MAP3K19: variants seen among roughly 807,000 people sequenced by gnomAD.
The protein encoded by MAP3K19 is SPS1/STE20-related protein kinase YSK4.
A neutral mutation model predicts 114.4 loss-of-function variants in MAP3K19; 91 were observed. That is an observed-to-expected ratio of 0.80 (90% CI 0.67 to 0.95). The LOEUF (loss-of-function observed/expected upper bound fraction) is 0.95, where lower values mean the gene tolerates loss of function less well. Ranked by LOEUF, MAP3K19 falls within the 40% of genes least tolerant of loss-of-function variation. MAP3K19 has a pLI of 0.00. For synonymous variants in MAP3K19, 518 were observed against 530.5 expected (o/e 0.98, Z 0.32); for missense variants, 1,471 against 1,573.2 (o/e 0.94, Z 1.10).
At chr2:135,009,696 T>C (rs1243863387) in intron 5 of MAP3K19, among the ~76,000 whole-genome samples, 1 of 152,140 alleles carries the variant, frequency 6.6e-6, no homozygotes, top group Non-Finnish European at 1.5e-5. Context: ...AAATCCATAA[T>C]GATGACTAGC....
chr2:135,012,121 G>A (rs138119465), intron 5 of MAP3K19, among the ~76,000 whole-genome samples: 2 of 152,074 alleles, frequency 1.3e-5, no homozygotes, highest in African/African-American at 4.8e-5. Context: ...TCAATATTGT[G>A]ACAACATGTA....
rs765401507 is a variant in MAP3K19, at chr2:134,980,956, G to A, written c.3785C>T (p.Thr1262Ile). ...SIGCTVFEMA[T>I]GKPPLASMDR... ...CATGGAAGCCAGTGGAGGCTTCCCT[G>A]TAGCCATCTCAAACACAGTACAACC... The change falls in exon 12 of 13, where the codon ACA becomes ATA. Residue 1262 changes from threonine (T) to isoleucine (I), a missense_variant. Thr to Ile is a moderately conservative substitution (Grantham distance 89). Coordinates refer to ENST00000392915, the MANE Select transcript of MAP3K19 (RefSeq NM_025052.5). 1.2e-6 allele frequency: 2 copies of A among 1,614,210 alleles called. No homozygotes were observed. Among genetic ancestry groups the A allele is most frequent in the Admixed American group, 1.7e-5 (1 of 60,026 alleles).
chr2:134,982,475 T>G (rs1684775326), intron 11 of MAP3K19, among the ~76,000 whole-genome samples: 1 of 151,492 alleles, frequency 6.6e-6, no homozygotes, highest in Non-Finnish European at 1.5e-5. Flanking sequence ...CTCAGCCTCC[T>G]GAGTAGCTGG....
intron 3 of MAP3K19, among the ~76,000 whole-genome samples, chr2:135,026,197 T>A (rs1160467750): frequency 6.6e-6 from 1 of 152,184 alleles, no homozygotes; most frequent in African/African-American, 2.4e-5. Flanking sequence ...CAAAAATTTT[T>A]ATAATTATTT....
chr2:134,986,667 C>T lies in MAP3K19; in HGVS notation c.2205G>A (p.Glu735=). 1.2e-6 allele frequency: 2 copies of T among 1,614,102 alleles called. No individual in the cohort carries two copies. Among genetic ancestry groups the T allele is most frequent in the African/African-American group, 1.3e-5 (1 of 75,016 alleles). Residue 735 remains glutamate, a synonymous_variant, in exon 10 of 13, where the codon GAG becomes GAA. Coordinates refer to ENST00000392915, the MANE Select transcript of MAP3K19 (RefSeq NM_025052.5). The part of the protein sequence containing the change: ...CPKTSFGIKQ[E]HKVLISKEKS... Reference sequence around the variant, plus strand: ...TTTCTTTAGAAATTAAGACTTTGTGCTCTTGTTTAATGCCAAATGAAGTCT... The same window carrying T: ...TTTCTTTAGAAATTAAGACTTTGTGTTCTTGTTTAATGCCAAATGAAGTCT...
chr2:134,967,271 C>T (rs1176269164), intron 12 of MAP3K19, among the ~76,000 whole-genome samples: 4 of 152,130 alleles, frequency 2.6e-5, no homozygotes, highest in Admixed American at 2.0e-4. Context: ...CAAAGTTTCT[C>T]CCCATGTGAT....
chr2:135,025,172 T>C (rs1204582956), intron 3 of MAP3K19, among the ~76,000 whole-genome samples: 1 of 152,078 alleles, frequency 6.6e-6, no homozygotes, highest in Non-Finnish European at 1.5e-5. Flanking sequence ...TTTTTTCTTT[T>C]CAATAATTAA....
chr2:135,034,480 G>C lies in MAP3K19; in HGVS notation c.-283-3980C>G, dbSNP rs1246014433. On this transcript the variant is annotated intron_variant, in intron 2 of 12. Coordinates refer to ENST00000392915, the MANE Select transcript of MAP3K19 (RefSeq NM_025052.5). ...GCGGCTGGGAGGTGGAGGTTGTAGC[G>C]AGCCGAGATCACGCCACTGCACTCC... Among the ~76,000 whole-genome samples, 3 of 127,702 alleles carry C rather than the reference G, an allele frequency of 2.3e-5. 1 individual carries two copies. In the Admixed American group the frequency reaches 2.4e-4, roughly 10 times the overall value. The allele number at this position is 127,702 out of a possible 152,430, so 83.8% of individuals were successfully genotyped here.
At chr2:135,035,456 G>A (rs545484636) in intron 2 of MAP3K19, among the ~76,000 whole-genome samples, 57 of 152,276 alleles carry the variant, frequency 3.7e-4, no homozygotes, top group Admixed American at 2.6e-3. Flanking sequence ...CAAACAGAAA[G>A]TAGGTAAGTG....
At chr2:134,974,703 T>G (rs1227882441) in intron 12 of MAP3K19, among the ~76,000 whole-genome samples, 1 of 152,176 alleles carries the variant, frequency 6.6e-6, no homozygotes, top group Non-Finnish European at 1.5e-5. Context: ...TTTCTTTATT[T>G]TTGTCTGAAT....
Position 134,986,722 on chromosome 2 carries a change from G to A in MAP3K19, c.2150C>T (p.Ser717Phe). Residue 717 changes from serine (S) to phenylalanine (F), a missense_variant, in exon 10 of 13, where the codon TCT becomes TTT. Coordinates refer to ENST00000392915, the MANE Select transcript of MAP3K19 (RefSeq NM_025052.5). Reference sequence around the variant, plus strand: ...GCATTTCATATGTGTTTTTTTCTGAGAAAGTCTTGTTCTGATATTGCTCTT... The same window carrying A: ...GCATTTCATATGTGTTTTTTTCTGAAAAAGTCTTGTTCTGATATTGCTCTT... ...ERKSNIRTRL[S>F]QKKTHMKCPK... The A allele has an allele frequency of 6.2e-7, 1 of 1,614,040 alleles. No homozygotes were observed. The highest frequency in any genetic ancestry group is 8.5e-7 in the Non-Finnish European group (1 of 1,179,972).
At chr2:134,979,668 G>T in intron 12 of MAP3K19, among the ~76,000 whole-genome samples, 1 of 139,528 alleles carries the variant, frequency 7.2e-6, no homozygotes, top group Non-Finnish European at 1.5e-5. Flanking sequence ...TTTTGGAGAG[G>T]GTGGGCAGCT....
At chr2:135,027,508 G>A (rs1688287585) in intron 3 of MAP3K19, among the ~76,000 whole-genome samples, 1 of 152,168 alleles carries the variant, frequency 6.6e-6, no homozygotes, top group Admixed American at 6.5e-5. Flanking sequence ...ACACCCTTCA[G>A]CTGGGCTGAC....
At chr2:134,981,880 CTTTTTTTTTTTT>C (rs567597251) in intron 11 of MAP3K19, among the ~76,000 whole-genome samples, 2 of 124,504 alleles carry the variant, frequency 1.6e-5, no homozygotes, top group South Asian at 2.5e-4. Context: ...GATTTCTTTT[CTTTTTTTTTTTT>C]TTTTTTTTGT....
At chr2:134,976,183 C>T (rs1684222461) in intron 12 of MAP3K19, among the ~76,000 whole-genome samples, 2 of 152,150 alleles carry the variant, frequency 1.3e-5, no homozygotes, top group South Asian at 2.1e-4. Context: ...GACCCCAGGG[C>T]GGGATGGAGT....
chr2:134,964,686 G>A lies in MAP3K19; in HGVS notation c.*164C>T, dbSNP rs911420254. 6 of 503,226 alleles carry A rather than the reference G, an allele frequency of 1.2e-5. No homozygotes were observed. In the East Asian group the frequency reaches 1.2e-4, roughly 10 times the overall value. The allele number at this position is 503,226 out of a possible 1,614,324, so 31.2% of individuals were successfully genotyped here. A position where few individuals can be genotyped will look rare whatever the true frequency, so the allele number is the denominator to read the frequency against. The stretch of plus-strand genomic sequence containing the variant: ...GTAATAATGTCTGACACTTGAGGAG[G>A]CTAATATGTAACTGCAACTTTCAGT... On this transcript the variant is annotated 3_prime_UTR_variant, in exon 13 of 13. Transcript: ENST00000392915.
Position 134,986,694 on chromosome 2 carries a change from T to C in MAP3K19, c.2178A>G (p.Pro726=), listed in dbSNP as rs371638695. ...CTTGTTTAATGCCAAATGAAGTCTT[T>C]GGGCATTTCATATGTGTTTTTTTCT... is the stretch of plus-strand genomic sequence containing the variant. ...LSQKKTHMKC[P]KTSFGIKQEH... Residue 726 remains proline (P), a synonymous_variant, in exon 10 of 13, where the codon CCA becomes CCG. Transcript: ENST00000392915. 159 of 1,614,072 alleles carry C rather than the reference T, an allele frequency of 9.9e-5. No homozygotes were observed. Among genetic ancestry groups the C allele is most frequent in the Non-Finnish European group, 1.2e-4 (146 of 1,180,038 alleles).
intron 3 of MAP3K19, among the ~76,000 whole-genome samples, chr2:135,028,126 A>G (rs1201017056): frequency 6.6e-6 from 1 of 152,214 alleles, no homozygotes; most frequent in Non-Finnish European, 1.5e-5. Context: ...CCTCAGTTGT[A>G]AGGTGGAATA....
chr2:134,976,747 T>TA (rs10717366), intron 12 of MAP3K19, among the ~76,000 whole-genome samples: 4,271 of 143,750 alleles, frequency 0.03, 68 homozygotes, highest in African/African-American at 0.034. Flanking sequence ...ATTTCAAAAG[T>TA]AAAAAAAAAA....
Sources: gnomAD v4.1 joint callset for allele counts (sites outside exome capture counted in the v4.1 genomes callset) on GRCh38, gnomAD v4.1.1 for gene constraint, MANE v1.5 for transcripts, NCBI Gene and HGNC (gene_info 2026-07-23, HGNC 2026-07-21) for gene names.